The following PCDHGB3 variants were observed in gnomAD, a reference collection of about 807,000 sequenced individuals.
PCDHGB3 encodes the protein protocadherin gamma-B3.
PCDHGB3 carries 40 observed loss-of-function variants against 59.2 expected under a neutral mutation model. The ratio of observed to expected loss-of-function variants is 0.68; its 90% CI spans 0.52 to 0.88. The LOEUF (loss-of-function observed/expected upper bound fraction) is 0.88, where lower values mean the gene tolerates loss of function less well. PCDHGB3 is among the 40% of genes least tolerant of loss of function. PCDHGB3 has a pLI of 0.00. For missense variants in PCDHGB3, 1,309 were observed against 1,187.9 expected (o/e 1.10, Z -1.50); for synonymous variants, 581 against 503.6 (o/e 1.15, Z -2.06).
At chr5:141,402,859 G>A (rs1314987043) in intron 1 of PCDHGB3, 8 of 1,428,738 alleles carry the variant, frequency 5.6e-6, no homozygotes, top group Non-Finnish European at 7.4e-6. Flanking sequence ...TTCTTCTAAG[G>A]AAAAGATCAC....
chr5:141,442,930 T>C (rs77210959), intron 1 of PCDHGB3, among the ~76,000 whole-genome samples: 6,420 of 152,302 alleles, frequency 0.042, 216 homozygotes, highest in African/African-American at 0.092. Flanking sequence ...TCATTTTCTA[T>C]TTAAGAAACT....
chr5:141,501,290 T>C lies in PCDHGB3; in HGVS notation c.2475-4103T>C, dbSNP rs796726601. Among the ~76,000 whole-genome samples, 19 of 136,248 alleles carry C rather than the reference T, an allele frequency of 1.4e-4. No individual in the cohort carries two copies. The South Asian group carries it at 2.4e-3, about 17-fold the overall frequency. 89.4% of individuals were successfully genotyped at this position (136,248 alleles called of 152,430 possible). ...GTCCAGTCTATGGGATATTCCCTTA[T>C]ACACACACACACACACACACACACA... On this transcript the variant is annotated intron_variant, in intron 2 of 3. Coordinates refer to ENST00000576222, the MANE Select transcript of PCDHGB3 (RefSeq NM_018924.5).
chr5:141,430,720 T>G, intron 1 of PCDHGB3: 1 of 1,486,390 alleles, frequency 6.7e-7, no homozygotes, highest in East Asian at 2.4e-5. Flanking sequence ...ACTTCAGTGG[T>G]TAAGGGCAGA....
At chr5:141,403,596 C>G (rs746360206) in intron 1 of PCDHGB3, 16 of 1,613,650 alleles carry the variant, frequency 9.9e-6, no homozygotes, top group African/African-American at 2.7e-5. Flanking sequence ...CTCACGGCCT[C>G]GGATGGCGGC....
intron 1 of PCDHGB3, among the ~76,000 whole-genome samples, chr5:141,462,361 T>C (rs1354253099): frequency 6.6e-6 from 1 of 152,282 alleles, no homozygotes; most frequent in Non-Finnish European, 1.5e-5. Flanking sequence ...ATACATTGTA[T>C]AGTTTCTATT....
chr5:141,403,200 C>T (rs765799006), intron 1 of PCDHGB3: 1 of 1,613,982 alleles, frequency 6.2e-7, no homozygotes, highest in South Asian at 1.1e-5. Flanking sequence ...CGCAGCGGCA[C>T]CTTGGTCACC....
chr5:141,418,151 G>T, intron 1 of PCDHGB3: 1 of 1,614,108 alleles, frequency 6.2e-7, no homozygotes, highest in Non-Finnish European at 8.5e-7. Flanking sequence ...AATATGCAAA[G>T]AGAGAAGAAG....
At chr5:141,492,500 C>G (rs2099741252) in intron 1 of PCDHGB3, among the ~76,000 whole-genome samples, 1 of 152,322 alleles carries the variant, frequency 6.6e-6, no homozygotes, top group South Asian at 2.1e-4. Flanking sequence ...GCGAGGACTC[C>G]GGAGCCTCCT....
chr5:141,433,357 G>GCCTA, intron 1 of PCDHGB3: 1 of 569,056 alleles, frequency 1.8e-6, no homozygotes, highest in Non-Finnish European at 3.1e-6. Context: ...CCTACTGTCT[G>GCCTA]CCTATCTATC....
At chr5:141,391,837 T>C (rs2092427916) in intron 1 of PCDHGB3, 1 of 152,236 alleles carries the variant, frequency 6.6e-6, no homozygotes, top group Non-Finnish European at 1.5e-5. Flanking sequence ...TTAGAATATA[T>C]GTAAAAGTCA....
intron 1 of PCDHGB3, chr5:141,378,704 G>A (rs1775100637): frequency 6.6e-6 from 1 of 152,054 alleles, no homozygotes. Flanking sequence ...AGACAATAAG[G>A]CTTTCATCAT....
intron 1 of PCDHGB3, chr5:141,414,354 T>C (rs1389145668): frequency 1.2e-6 from 2 of 1,613,800 alleles, no homozygotes; most frequent in Admixed American, 1.7e-5. Flanking sequence ...TTTTGGCGTA[T>C]CTACCATTTA....
intron 1 of PCDHGB3, chr5:141,478,613 G>T: frequency 6.4e-7 from 1 of 1,557,312 alleles, no homozygotes; most frequent in African/African-American, 1.4e-5. Flanking sequence ...ATTGAGGAAG[G>T]AATGGAGCTG....
chr5:141,454,281 A>C (rs1048947689), intron 1 of PCDHGB3, among the ~76,000 whole-genome samples: 2 of 152,242 alleles, frequency 1.3e-5, no homozygotes, highest in African/African-American at 4.8e-5. Context: ...AAAACTTCAC[A>C]TTAAAGGAAC....
Position 141,493,508 on chromosome 5 carries a change from C to T in PCDHGB3, c.2416-1299C>T, listed in dbSNP as rs2099748607. 1.3e-5 allele frequency among the ~76,000 whole-genome samples: 2 copies of T among 152,284 alleles called. No homozygotes were observed. The highest frequency in any genetic ancestry group is 4.1e-4 in the South Asian group (2 of 4,820). On this transcript the variant is annotated intron_variant, in intron 1 of 3. Transcript: ENST00000576222. The surrounding 1 kb of genome is among the most constrained non-coding windows in gnomAD (Gnocchi z 4.3). Reference sequence around the variant, plus strand: ...TCTTCTGTGGCTCCTCATTTCTGAGCAGTCCCCGCAGCGCAAACTTGGCCA... The same window carrying T: ...TCTTCTGTGGCTCCTCATTTCTGAGTAGTCCCCGCAGCGCAAACTTGGCCA...
At chr5:141,394,175 T>A in intron 1 of PCDHGB3, 1 of 1,613,944 alleles carries the variant, frequency 6.2e-7, no homozygotes, top group South Asian at 1.1e-5. Flanking sequence ...CTTTCCCTCA[T>A]GCCTCCTACT....
Position 141,486,335 on chromosome 5 carries a change from C to T in PCDHGB3, c.2416-8472C>T, listed in dbSNP as rs762408704. ...AGGGTCAAACGGAGATGTGAGCCTC[C>T]GCATTCCTGACCACTTGCCATTTGC... On this transcript the variant is annotated intron_variant, in intron 1 of 3. Transcript: ENST00000576222. The surrounding 1 kb of genome is among the most constrained non-coding windows in gnomAD (Gnocchi z 5.0). 6.2e-6 allele frequency: 10 copies of T among 1,613,936 alleles called. No individual in the cohort carries two copies. Among genetic ancestry groups the T allele is most frequent in the Middle Eastern group, 1.6e-4 (1 of 6,082 alleles).
intron 1 of PCDHGB3, among the ~76,000 whole-genome samples, chr5:141,488,938 A>T (rs1195859645): frequency 6.6e-6 from 1 of 152,154 alleles, no homozygotes; most frequent in East Asian, 1.9e-4. Context: ...AGGAAACTCC[A>T]TAATTGGTTG....
intron 1 of PCDHGB3, chr5:141,441,578 C>T (rs889509502): frequency 2.9e-5 from 6 of 207,738 alleles, no homozygotes; most frequent in Non-Finnish European, 5.9e-5. Flanking sequence ...CCAACCTAGA[C>T]TTGGGACCCA....
Sources: allele counts gnomAD v4.1 joint callset (sites outside exome capture counted in the v4.1 genomes callset), GRCh38; gene constraint gnomAD v4.1.1; non-coding constraint Gnocchi (gnomAD v3.1); transcripts MANE v1.5; gene names NCBI Gene and HGNC (gene_info 2026-07-23, HGNC 2026-07-21).